Variants in NKX3-2 observed in about 807,000 individuals in gnomAD.
NKX3-2 encodes the protein homeobox protein Nkx-3.2.
In NKX3-2, 13 loss-of-function variants were observed where a neutral mutation model predicts 19.4. The observed-to-expected ratio is 0.67, with a 90% CI of 0.44 to 1.07. The LOEUF (loss-of-function observed/expected upper bound fraction) is 1.07, where lower values mean the gene tolerates loss of function less well. Ranked by LOEUF, NKX3-2 falls within the 50% of genes least tolerant of loss-of-function variation. NKX3-2 has a pLI of 0.00. For synonymous variants in NKX3-2, 269 were observed against 230.5 expected, an observed-to-expected ratio of 1.17 and a Z score of -1.51; for missense variants, 562 against 488.2, an observed-to-expected ratio of 1.15 and a Z score of -1.42.
chr4:13,543,845 GC>G lies in NKX3-2; in HGVS notation c.466+103del, dbSNP rs781689517. The stretch of plus-strand genomic sequence containing the variant: ...ACTTCGGGATTTGGCCAGCCTCCGA[GC>G]CCCAGGGCGCAGGGTGCTCAAGCCG... On this transcript the variant is annotated intron_variant, in intron 1 of 1. Coordinates refer to ENST00000382438, the MANE Select transcript of NKX3-2 (RefSeq NM_001189.4). The surrounding 1 kb of genome is among the most constrained non-coding windows in gnomAD (Gnocchi z 7.1). 9 of 1,078,012 alleles carry G rather than the reference GC, an allele frequency of 8.3e-6. No homozygotes were observed. The highest frequency in any genetic ancestry group is 1.1e-5 in the Non-Finnish European group (9 of 787,448). The allele number at this position is 1,078,012 out of a possible 1,614,324, so 66.8% of individuals were successfully genotyped here.
rs920254017 is a variant in NKX3-2 at position 13,541,769 on chromosome 4, C to T, written c.*224G>A. ...TCCAGGCAGGTGGGCGATCAGGGCC[C>T]CTAGGCCATAGGGTGCCTCTGTTCA... On this transcript the variant is annotated 3_prime_UTR_variant, in exon 2 of 2. Transcript: ENST00000382438. 1.4e-5 allele frequency: 8 copies of T among 570,938 alleles called. No individual in the cohort carries two copies. The highest frequency in any genetic ancestry group is 5.9e-5 in the East Asian group (2 of 33,620). 35.4% of individuals were successfully genotyped at this position (570,938 alleles called of 1,614,324 possible).
At position 13,542,177 on chromosome 4, in the gene NKX3-2, G is replaced by A. The variant is rs891921365; in HGVS notation, c.818C>T (p.Ser273Leu). 6.2e-7 allele frequency: 1 copy of A among 1,608,142 alleles called. No individual in the cohort carries two copies. The highest frequency in any genetic ancestry group is 1.3e-5 in the African/African-American group (1 of 74,796). ...RRQMAADLLA[S>L]APAAKKVAVK... is the part of the protein sequence containing the mutation. ...GGCCACCTTCTTGGCGGCGGGCGCC[G>A]AGGCCAGCAGGTCGGCTGCCATCTG... Residue 273 changes from serine (S) to leucine (L), a missense_variant, in exon 2 of 2, where the codon TCG becomes TTG. By Grantham distance (145) the Ser-to-Leu change is moderately radical (BLOSUM62 -2). Transcript: ENST00000382438. The surrounding 1 kb of genome is among the most constrained non-coding windows in gnomAD (Gnocchi z 6.4).
At chr4:13,546,469 A>G (rs959882216), upstream of NKX3-2, 7 of 187,968 alleles carry the variant, frequency 3.7e-5, no homozygotes, top group Non-Finnish European at 1.1e-5. Flanking sequence ...TTTCAAAAAC[A>G]GTGTGTCCTC....
Position 13,543,471 on chromosome 4 carries a change from C to T in NKX3-2, c.466+478G>A, listed in dbSNP as rs1227961134. On this transcript the variant is annotated intron_variant, in intron 1 of 1. Coordinates refer to ENST00000382438, the MANE Select transcript of NKX3-2 (RefSeq NM_001189.4). This position sits in a 1 kb window ranked among gnomAD's most constrained non-coding sequence, Gnocchi z 7.1. ...TGCAGATTCTCAGCTCTGGCCCACT[C>T]GGAGGTGTTCTTCACCACCTATCCA... 6.6e-6 allele frequency among the ~76,000 whole-genome samples: 1 copy of T among 152,184 alleles called. No homozygotes were observed. The highest frequency in any genetic ancestry group is 6.5e-5 in the Admixed American group (1 of 15,286).
At position 13,542,286 on chromosome 4, in the gene NKX3-2, C is replaced by G. The variant is rs778533056; in HGVS notation, c.709G>C (p.Ala237Pro). 1 of 1,609,002 alleles carries G rather than the reference C, an allele frequency of 6.2e-7. No individual in the cohort carries two copies. Among genetic ancestry groups the G allele is most frequent in the Non-Finnish European group, 8.5e-7 (1 of 1,178,636 alleles). The change falls in exon 2 of 2, where the codon GCA (alanine) becomes CCA (proline). Residue 237 changes from alanine to proline, a missense_variant. Coordinates refer to ENST00000382438, the MANE Select transcript of NKX3-2 (RefSeq NM_001189.4). This position sits in a 1 kb window ranked among gnomAD's most constrained non-coding sequence, Gnocchi z 6.4. ...HQRYLSGPERADLAASLKLTE... is the reference protein window; with the variant it reads ...HQRYLSGPERPDLAASLKLTE... ...AGCTTCAGCGACGCGGCCAGGTCTGCGCGCTCGGGCCCGGACAGGTAGCGC... is the reference window on the plus strand; with the variant it reads ...AGCTTCAGCGACGCGGCCAGGTCTGGGCGCTCGGGCCCGGACAGGTAGCGC...
At position 13,542,491 on chromosome 4, in the gene NKX3-2, G is replaced by A. The variant is rs561946025; in HGVS notation, c.504C>T (p.Gly168=). 1.2e-5 allele frequency: 19 copies of A among 1,596,684 alleles called. No homozygotes were observed. In the South Asian group the frequency reaches 1.8e-4, roughly 15 times the overall value. The change falls in exon 2 of 2, where the codon GGC becomes GGT. Residue 168 remains glycine (G), a synonymous_variant. Transcript: ENST00000382438. This position sits in a 1 kb window ranked among gnomAD's most constrained non-coding sequence, Gnocchi z 6.4. ...RSPRTEDDGV[G]PRGAHVSALC... is the part of the protein sequence containing the mutation. Reference sequence around the variant, plus strand: ...GCGCGGACACGTGTGCACCTCTGGGGCCAACACCGTCGTCCTCGGTCCTTG... The same window carrying A: ...GCGCGGACACGTGTGCACCTCTGGGACCAACACCGTCGTCCTCGGTCCTTG...
chr4:13,542,028 G>A lies in NKX3-2; in HGVS notation c.967C>T (p.Leu323Phe). ...YPYYCLPGWA[L>F]STCAAAAGTQ ...CCTGCGGCAGCTGCGCAGGTGGAGA[G>A]CGCCCAGCCTGGGAGGCAGTAGTAC... Residue 323 changes from leucine to phenylalanine, a missense_variant, in exon 2 of 2, where the codon CTC (leucine) becomes TTC (phenylalanine). By Grantham distance (22) the Leu-to-Phe change is conservative. Coordinates refer to ENST00000382438, the MANE Select transcript of NKX3-2 (RefSeq NM_001189.4). The surrounding 1 kb of genome is among the most constrained non-coding windows in gnomAD (Gnocchi z 6.4). 1 of 1,597,726 alleles carries A rather than the reference G, an allele frequency of 6.3e-7. No homozygotes were observed. Among genetic ancestry groups the A allele is most frequent in the Non-Finnish European group, 8.5e-7 (1 of 1,172,728 alleles).
upstream of NKX3-2, chr4:13,547,422 C>A (rs891913906): frequency 3.1e-6 from 1 of 324,218 alleles, no homozygotes; most frequent in Non-Finnish European, 6.0e-6. Flanking sequence ...GGCGGAGCTG[C>A]GCGGCCCGGC....
Position 13,542,553 on chromosome 4 carries a change from A to G in NKX3-2, c.467-25T>C, listed in dbSNP as rs1718017914. The G allele has an allele frequency of 6.3e-7, 1 of 1,596,140 alleles. No homozygotes were observed. The highest frequency in any genetic ancestry group is 8.5e-7 in the Non-Finnish European group (1 of 1,179,544). On this transcript the variant is annotated intron_variant, in intron 1 of 1. Coordinates refer to ENST00000382438, the MANE Select transcript of NKX3-2 (RefSeq NM_001189.4). The surrounding 1 kb of genome is among the most constrained non-coding windows in gnomAD (Gnocchi z 6.4). ...CCTGCGGACCCCGGTGGGAACAGAA[A>G]CAAGAGACTGTCAGCGCCACAGACG...
chr4:13,544,897 C>T (rs1299754919), upstream of NKX3-2: 1 of 152,356 alleles, frequency 6.6e-6, no homozygotes, highest in East Asian at 1.9e-4. Context: ...TGGGCAGGCT[C>T]TTCCGGAGCC....
upstream of NKX3-2, chr4:13,544,658 G>T (rs1016604920): frequency 1.1e-5 from 3 of 285,354 alleles, no homozygotes; most frequent in Non-Finnish European, 1.9e-5. Context: ...AGAGCCAGAC[G>T]CTCTCCTTTC....
At position 13,541,882 on chromosome 4, in the gene NKX3-2, C is replaced by T; in HGVS notation, c.*111G>A. ...TAACGGGAGCTGGAGCTGGGTTTCA[C>T]CTCCAGGTGCCTCCTTGGCGGGGCG... On this transcript the variant is annotated 3_prime_UTR_variant, in exon 2 of 2. Coordinates refer to ENST00000382438, the MANE Select transcript of NKX3-2 (RefSeq NM_001189.4). 1.4e-6 allele frequency: 2 copies of T among 1,469,530 alleles called. No homozygotes were observed. The highest frequency in any genetic ancestry group is 2.5e-5 in the East Asian group (1 of 39,890). The allele number at this position is 1,469,530 out of a possible 1,614,324, so 91.0% of individuals were successfully genotyped here.
chr4:13,546,762 T>C, upstream of NKX3-2: 1 of 371,330 alleles, frequency 2.7e-6, no homozygotes, highest in Non-Finnish European at 5.4e-6. Flanking sequence ...TGAAAACAAC[T>C]ACCATTTAGT....
Position 13,541,951 on chromosome 4 carries a change from G to A in NKX3-2, c.*42C>T, listed in dbSNP as rs1321133896. ...CTACAGCTGTCAGCGCCGGTCCGGA[G>A]CCGGAGCGCGGGAATCACTCGCTGC... On this transcript the variant is annotated 3_prime_UTR_variant, in exon 2 of 2. Transcript: ENST00000382438. The A allele has an allele frequency of 6.4e-7, 1 of 1,552,720 alleles. No individual in the cohort carries two copies.
At chr4:13,547,497 C>G (rs767052706), upstream of NKX3-2, 46 of 237,794 alleles carry the variant, frequency 1.9e-4, no homozygotes, top group Admixed American at 4.2e-4. Context: ...CTCTACCCCG[C>G]CGCGCCCCCT....
upstream of NKX3-2, chr4:13,546,764 C>G (rs1292153841): frequency 2.7e-6 from 1 of 372,104 alleles, no homozygotes; most frequent in Non-Finnish European, 5.4e-6. Context: ...AAAACAACTA[C>G]CATTTAGTTG....
chr4:13,547,204 G>A, upstream of NKX3-2: 1 of 456,392 alleles, frequency 2.2e-6, no homozygotes, highest in Non-Finnish European at 4.4e-6. Flanking sequence ...TAACTACGGA[G>A]TCCAGGCCCA....
At chr4:13,547,011 C>A (rs1718146407), upstream of NKX3-2, 2 of 456,160 alleles carry the variant, frequency 4.4e-6, no homozygotes, top group Non-Finnish European at 8.8e-6. Flanking sequence ...GCCATTACGG[C>A]GCTTAGTCGA....
chr4:13,547,163 A>T (rs532060180), upstream of NKX3-2: 13 of 456,238 alleles, frequency 2.8e-5, no homozygotes, highest in Non-Finnish European at 4.8e-5. Context: ...GGGGAAGGGG[A>T]GGTGGTTGTA....
Sources: gnomAD v4.1 joint callset for allele counts (sites outside exome capture counted in the v4.1 genomes callset) on GRCh38, gnomAD v4.1.1 for gene constraint, Gnocchi (gnomAD v3.1) non-coding constraint, MANE v1.5 for transcripts, NCBI Gene and HGNC (gene_info 2026-07-23, HGNC 2026-07-21) for gene names.